Variants in RPS3 observed in about 807,000 individuals in gnomAD.
RPS3 encodes the protein ribosomal protein S3, also known as small ribosomal subunit protein uS3.
Under a neutral mutation model 25.8 loss-of-function variants are expected in RPS3, and 2 were observed. The ratio of observed to expected loss-of-function variants is 0.08; its 90% CI spans 0.03 to 0.24. The LOEUF is 0.24. RPS3 is among the 10% of genes least tolerant of loss of function. RPS3 has a pLI of 1.00. For missense variants in RPS3, 107 were observed against 307.1 expected (o/e 0.35, Z 4.87); for synonymous variants, 114 against 114.2 (o/e 1.00, Z 0.01).
At chr11:75,400,272 T>TTTA in intron 1 of RPS3, 1 of 441,022 alleles carries the variant, frequency 2.3e-6, no homozygotes, top group East Asian at 5.6e-5. Context: ...AGAGCTTATA[T>TTTA]GTTAAGTCTA....
rs1447115676 is a variant in RPS3 at position 75,402,429 on chromosome 11, A to G, written c.333A>G (p.Gly111=). Residue 111 remains glycine (G), a synonymous_variant, in exon 4 of 7, where the codon GGA becomes GGG. Coordinates refer to ENST00000531188, the MANE Select transcript of RPS3 (RefSeq NM_001005.5). Reference sequence around the variant, plus strand: ...AGTCTCTGCGTTACAAACTCCTAGGAGGGCTTGCTGTGCGGAGGTAAGTGT... The same window carrying G: ...AGTCTCTGCGTTACAAACTCCTAGGGGGGCTTGCTGTGCGGAGGTAAGTGT... ...QAESLRYKLL[G]GLAVRRACYG... The G allele has an allele frequency of 6.2e-7, 1 of 1,611,252 alleles. No individual in the cohort carries two copies. Among genetic ancestry groups the G allele is most frequent in the Admixed American group, 1.7e-5 (1 of 59,962 alleles).
At position 75,418,037 on chromosome 11, in the gene RPS3, C is replaced by T. The variant is rs567848164; in HGVS notation, c.*4-3690C>T. Among the ~76,000 whole-genome samples the T allele has an allele frequency of 3.9e-5, 6 of 152,338 alleles. No homozygotes were observed. In the South Asian group the frequency reaches 1.2e-3, roughly 32 times the overall value. ...GTCAGATAAGAGGTGCAGATACGGG[C>T]TCCACCCCTCCAGGACCACCAGCAA... On this transcript the variant is annotated intron_variant, in intron 6 of 6. Transcript: ENST00000527446.
At chr11:75,400,613 GA>G (rs1948195463) in intron 1 of RPS3, 80 bp from the exon 2 acceptor site, 2 of 1,579,184 alleles carry the variant, frequency 1.3e-6, no homozygotes, top group African/African-American at 2.7e-5. Flanking sequence ...GGGATGCATT[GA>G]CTAATAAGAC....
downstream of RPS3, among the ~76,000 whole-genome samples, chr11:75,408,925 T>G (rs1948315234): frequency 6.6e-6 from 1 of 152,100 alleles, no homozygotes; most frequent in Admixed American, 6.5e-5. Flanking sequence ...AAGTATAAAT[T>G]ATGCTGGGAC....
chr11:75,404,015 T>A lies in RPS3; in HGVS notation c.351-5T>A. ...ACACAGTGGCTCTCTTCTGTTCTTT[T>A]AAAGGGCCTGCTATGGTGTGCTGCG... On this transcript the variant is annotated splice_region_variant and splice_polypyrimidine_tract_variant and intron_variant, in intron 4 of 6. Transcript: ENST00000531188. The surrounding 1 kb of genome is among the most constrained non-coding windows in gnomAD (Gnocchi z 4.6). 1.2e-6 allele frequency: 2 copies of A among 1,611,346 alleles called. No homozygotes were observed. The highest frequency in any genetic ancestry group is 4.5e-5 in the East Asian group (2 of 44,852).
At chr11:75,410,257 T>G (rs1352097294), downstream of RPS3, among the ~76,000 whole-genome samples, 2 of 147,360 alleles carry the variant, frequency 1.4e-5, no homozygotes, top group East Asian at 4.2e-4. Context: ...ACGGAGGGGC[T>G]CCTCACTTCT....
At chr11:75,411,670 G>C (rs1948357596), downstream of RPS3, among the ~76,000 whole-genome samples, 1 of 152,204 alleles carries the variant, frequency 6.6e-6, no homozygotes, top group Non-Finnish European at 1.5e-5. Flanking sequence ...GATTACAGGT[G>C]TGAGCCACTG....
chr11:75,405,032 C>T (rs1948265560), intron 6 of RPS3, 164 bp downstream of exon 6: 1 of 514,768 alleles, frequency 1.9e-6, no homozygotes, highest in Admixed American at 3.6e-5. Context: ...CTATTTAACC[C>T]TTGGTTCCAA....
exon 7 of RPS3, chr11:75,421,896 T>C (rs753944786): frequency 2.0e-5 from 3 of 152,234 alleles, no homozygotes; most frequent in Non-Finnish European, 2.9e-5. Context: ...TTCTAAGTGG[T>C]GGGAAGCAGA....
intron 6 of RPS3, among the ~76,000 whole-genome samples, chr11:75,416,040 A>G (rs1948394920): frequency 6.6e-6 from 1 of 152,024 alleles, no homozygotes; most frequent in Non-Finnish European, 1.5e-5. Flanking sequence ...AAAGGATAAC[A>G]TGGCTAAGAG....
At chr11:75,418,509 A>T (rs560396576) in intron 6 of RPS3, among the ~76,000 whole-genome samples, 21 of 152,308 alleles carry the variant, frequency 1.4e-4, no homozygotes, top group African/African-American at 3.8e-4. Flanking sequence ...AAAATTTTTT[A>T]AAAAATAAAG....
Position 75,404,340 on chromosome 11 carries a change from A to G in RPS3, c.538+133A>G, listed in dbSNP as rs1246389043. On this transcript the variant is annotated intron_variant, in intron 5 of 6. Coordinates refer to ENST00000531188, the MANE Select transcript of RPS3 (RefSeq NM_001005.5). This position sits in a 1 kb window ranked among gnomAD's most constrained non-coding sequence, Gnocchi z 4.6. ...CATATTCCTTGGTGTATCGATTGCC[A>G]CGTTGATCTGTAAGAATCGATTTGC... is the stretch of plus-strand genomic sequence containing the variant. The G allele has an allele frequency of 4.5e-6, 4 of 881,330 alleles. No homozygotes were observed. The highest frequency in any genetic ancestry group is 5.6e-6 in the Non-Finnish European group (3 of 534,390). The allele number at this position is 881,330 out of a possible 1,614,324, so 54.6% of individuals were successfully genotyped here.
chr11:75,410,262 A>C (rs1460460841), downstream of RPS3, among the ~76,000 whole-genome samples: 2 of 146,034 alleles, frequency 1.4e-5, no homozygotes, highest in Non-Finnish European at 3.0e-5. Flanking sequence ...GGGGCTCCTC[A>C]CTTCTCAGAC....
At chr11:75,411,837 G>C (rs190139452), downstream of RPS3, among the ~76,000 whole-genome samples, 9 of 152,352 alleles carry the variant, frequency 5.9e-5, no homozygotes, top group Admixed American at 3.9e-4. Context: ...GTTAGGGAAG[G>C]TGGGAAGACC....
At chr11:75,410,243 C>T (rs1948337972), downstream of RPS3, among the ~76,000 whole-genome samples, 4 of 150,984 alleles carry the variant, frequency 2.6e-5, no homozygotes, top group Admixed American at 2.6e-4. Flanking sequence ...GGGGTGGCTG[C>T]TGGACGGAGG....
intron 6 of RPS3, among the ~76,000 whole-genome samples, chr11:75,416,616 A>G (rs1459161287): frequency 6.6e-6 from 1 of 151,998 alleles, no homozygotes; most frequent in African/African-American, 2.4e-5. Context: ...GCACTAGCAC[A>G]CCTGGCTAAT....
chr11:75,400,518 A>G (rs1392446531), intron 1 of RPS3, 176 bp from the exon 2 acceptor site: 8 of 875,772 alleles, frequency 9.1e-6, no homozygotes, highest in Non-Finnish European at 1.5e-5. Flanking sequence ...AAGATGACTT[A>G]GAGGCATTTG....
chr11:75,408,047 G>C (rs773172923), downstream of RPS3, among the ~76,000 whole-genome samples: 1 of 152,244 alleles, frequency 6.6e-6, no homozygotes, highest in Non-Finnish European at 1.5e-5. Context: ...GGAAGAAAGT[G>C]CTGTTAATTA....
chr11:75,416,443 C>T (rs919074888), intron 6 of RPS3, among the ~76,000 whole-genome samples: 21 of 147,880 alleles, frequency 1.4e-4, no homozygotes, highest in Non-Finnish European at 2.7e-4. Context: ...GTTCCATTTT[C>T]CATCTTGATT....
Sources: allele counts gnomAD v4.1 joint callset (sites outside exome capture counted in the v4.1 genomes callset), GRCh38; gene constraint gnomAD v4.1.1; non-coding constraint Gnocchi (gnomAD v3.1); transcripts MANE v1.5; gene names NCBI Gene and HGNC (gene_info 2026-07-23, HGNC 2026-07-21).